Variants in CHD4 observed in about 807,000 individuals in gnomAD.
The protein encoded by CHD4 is ATP-dependent chromatin remodeler CHD4.
CHD4 carries 35 observed loss-of-function variants against 235.5 expected under a neutral mutation model. That is an observed-to-expected ratio of 0.15 (90% CI 0.11 to 0.20). The LOEUF is 0.20. Ranked by LOEUF, CHD4 falls within the 10% of genes least tolerant of loss-of-function variation. The pLI is 1.00. For missense variants in CHD4, 1,329 were observed against 2,432.3 expected (o/e 0.55, Z 9.54); for synonymous variants, 900 against 850.2 (o/e 1.06, Z -1.02).
intron 25 of CHD4, among the ~76,000 whole-genome samples, chr12:6,585,504 G>C (rs1432876321): frequency 1.3e-5 from 2 of 151,762 alleles, no homozygotes; most frequent in African/African-American, 2.4e-5. Flanking sequence ...GGATGGGCTC[G>C]ATCTCTTGAC....
In CHD4 at chr12:6,600,475, G is replaced by A. The variant is rs1250296839; in HGVS notation, c.1063+59C>T. 4 of 1,587,720 alleles carry A rather than the reference G, an allele frequency of 2.5e-6. No individual in the cohort carries two copies. In the African/African-American group the frequency reaches 5.4e-5, roughly 22 times the overall value. The stretch of plus-strand genomic sequence containing the variant: ...CCCCCGACCCCTATCTCCTTAGGGA[G>A]ATTCTTCCCCAATCACTCCCACCTC... On this transcript the variant is annotated intron_variant, in intron 8 of 39. Transcript: ENST00000544040.
intron 2 of CHD4, chr12:6,602,924 T>C (rs1187255603): frequency 1.2e-5 from 2 of 165,736 alleles, no homozygotes; most frequent in Non-Finnish European, 2.6e-5. Flanking sequence ...AACTATAGAA[T>C]ATACCTTCCC....
At chr12:6,592,601 A>G in intron 18 of CHD4, 35 bp from the exon 19 acceptor site, 1 of 1,582,110 alleles carries the variant, frequency 6.3e-7, no homozygotes, top group Non-Finnish European at 8.6e-7. Context: ...TTATTGGAGA[A>G]GGAGAAAGGA....
In CHD4 at chr12:6,591,995, T is replaced by C. The variant is rs1948408542; in HGVS notation, c.3011A>G (p.Asn1004Ser). ...CACCACATTCAGCAGAGACACCTGG[T>C]TGCCACCACCTCGGGCATTGAGTGC... is the stretch of plus-strand genomic sequence containing the variant. ...FEALNARGGG[N>S]QVSLLNVVMD... The change falls in exon 20 of 40, where the codon AAC becomes AGC. Residue 1004 changes from asparagine (N) to serine (S), a missense_variant. Around this residue, in one of 26 missense-constraint regions of CHD4, gnomAD observed 23 missense variants for 130.0 expected, o/e 0.18. Coordinates refer to ENST00000544040, the MANE Select transcript of CHD4 (RefSeq NM_001273.5). 6 of 1,614,120 alleles carry C rather than the reference T, an allele frequency of 3.7e-6. No individual in the cohort carries two copies. The highest frequency in any genetic ancestry group is 1.1e-5 in the South Asian group (1 of 91,092).
At position 6,591,575 on chromosome 12, in the gene CHD4, C is replaced by T. The variant is rs1948401521; in HGVS notation, c.3231G>A (p.Lys1077=). ...AGAAATCCTCTAGCAGGTCTAGCAT[C>T]TTGGTCATCTGCAAAAGAAGCACGG... is the stretch of plus-strand genomic sequence containing the variant. ...HRVLIFSQMT[K]MLDLLEDFLE... Residue 1077 remains lysine (K), a synonymous_variant, in exon 22 of 40, where the codon AAG becomes AAA. Coordinates refer to ENST00000544040, the MANE Select transcript of CHD4 (RefSeq NM_001273.5). 6.2e-7 allele frequency: 1 copy of T among 1,614,102 alleles called. No homozygotes were observed. The highest frequency in any genetic ancestry group is 8.5e-7 in the Non-Finnish European group (1 of 1,179,982).
intron 3 of CHD4, 42 bp from the exon 4 acceptor site, chr12:6,602,217 A>G (rs1028491498): frequency 4.4e-6 from 7 of 1,605,440 alleles, no homozygotes; most frequent in Non-Finnish European, 6.0e-6. Flanking sequence ...AGACACACAC[A>G]TGCTACACAC....
At chr12:6,573,923 T>C (rs1036274791) in intron 37 of CHD4, among the ~76,000 whole-genome samples, 6 of 151,862 alleles carry the variant, frequency 4.0e-5, no homozygotes, top group South Asian at 2.1e-4. Flanking sequence ...ACTCAAGAGG[T>C]TGAGGCAGAA....
At chr12:6,576,522 C>T (rs924749370) in intron 37 of CHD4, among the ~76,000 whole-genome samples, 1 of 152,140 alleles carries the variant, frequency 6.6e-6, no homozygotes, top group Non-Finnish European at 1.5e-5. Flanking sequence ...GCCATGTTGC[C>T]CGAGCTAGTC....
chr12:6,592,967 C>G, intron 17 of CHD4, 124 bp downstream of exon 17: 3 of 1,517,788 alleles, frequency 2.0e-6, no homozygotes, highest in Non-Finnish European at 1.8e-6. Flanking sequence ...CTGTCACATA[C>G]AAGGAAGGAA....
Position 6,592,125 on chromosome 12 carries a change from A to G in CHD4, c.2949-68T>C, listed in dbSNP as rs191866416. 114 of 1,576,862 alleles carry G rather than the reference A, an allele frequency of 7.2e-5. No homozygotes were observed. The African/African-American group carries it at 1.4e-3, about 20-fold the overall frequency. Reference sequence around the variant, plus strand: ...TTCAATGACTAATAATGCAGTGCCAACAACTGAGATCTTTCTTCCAACACA... The same window carrying G: ...TTCAATGACTAATAATGCAGTGCCAGCAACTGAGATCTTTCTTCCAACACA... On this transcript the variant is annotated intron_variant, in intron 19 of 39. Coordinates refer to ENST00000544040, the MANE Select transcript of CHD4 (RefSeq NM_001273.5).
At position 6,583,120 on chromosome 12, in the gene CHD4, GGA is replaced by G. The variant is rs1283922001; in HGVS notation, c.4061-9_4061-8del. ...GACTGGTCGTCCTGCCAATCTGGAG[GGA>G]GAGAGGGCAGATGAGCGGGGCCCAC... is the stretch of plus-strand genomic sequence containing the variant. On this transcript the variant is annotated splice_polypyrimidine_tract_variant and splice_region_variant and intron_variant, in intron 26 of 39. Transcript: ENST00000544040. 6.3e-7 allele frequency: 1 copy of G among 1,590,814 alleles called. No individual in the cohort carries two copies. The highest frequency in any genetic ancestry group is 2.3e-5 in the East Asian group (1 of 43,782).
intron 37 of CHD4, among the ~76,000 whole-genome samples, chr12:6,573,942 G>A (rs1006001512): frequency 2.0e-5 from 3 of 152,044 alleles, no homozygotes; most frequent in African/African-American, 7.2e-5. Flanking sequence ...AAGAATGCTT[G>A]AACCCGGGAG....
chr12:6,586,043 T>C (rs1948286826), intron 25 of CHD4, among the ~76,000 whole-genome samples: 1 of 151,310 alleles, frequency 6.6e-6, no homozygotes, highest in African/African-American at 2.4e-5. Context: ...GAGGTTGCAG[T>C]AGGCTGTGAT....
chr12:6,588,848 G>A (rs1948345166), intron 22 of CHD4, among the ~76,000 whole-genome samples: 1 of 152,128 alleles, frequency 6.6e-6, no homozygotes, highest in Non-Finnish European at 1.5e-5. Context: ...AGGAAGCTGA[G>A]GCAGGAGAAT....
chr12:6,590,402 G>A (rs775582859), intron 22 of CHD4, among the ~76,000 whole-genome samples: 1 of 152,130 alleles, frequency 6.6e-6, no homozygotes, highest in East Asian at 1.9e-4. Context: ...TCATTGTACT[G>A]CAGTTACGTA....
rs761265027 is a variant in CHD4, at chr12:6,606,418, G to A, written c.-45C>T. On this transcript the variant is annotated 5_prime_UTR_variant, in exon 2 of 40. Transcript: ENST00000544040. ...GGGAATTGGCCCAGCTGCTCCTGCC[G>A]GCGGCCTGAGGACCTCTACACTGGC... 2.2e-6 allele frequency: 3 copies of A among 1,382,712 alleles called. No homozygotes were observed. The highest frequency in any genetic ancestry group is 1.2e-5 in the South Asian group (1 of 81,518). 85.7% of individuals were successfully genotyped at this position (1,382,712 alleles called of 1,614,324 possible). A position where few individuals can be genotyped will look rare whatever the true frequency, so the allele number is the denominator to read the frequency against.
At chr12:6,570,802 C>G (rs1025395933) in intron 39 of CHD4, 67 bp downstream of exon 39, 82 of 1,611,662 alleles carry the variant, frequency 5.1e-5, no homozygotes, top group South Asian at 1.9e-4. Flanking sequence ...TAGGGACATA[C>G]AGCAAAGTTA....
At chr12:6,580,479 G>A (rs1948161139) in intron 33 of CHD4, 1 of 153,174 alleles carries the variant, frequency 6.5e-6, no homozygotes, top group Non-Finnish European at 1.5e-5. Flanking sequence ...GGCCAAGGCA[G>A]GTGGATCACC....
intron 12 of CHD4, among the ~76,000 whole-genome samples, chr12:6,597,423 G>A (rs144146704): frequency 6.2e-4 from 95 of 152,220 alleles, no homozygotes; most frequent in African/African-American, 2.1e-3. Context: ...CAGTGATCAC[G>A]ACACTGCACT....
Sources: gnomAD v4.1 joint callset for allele counts (sites outside exome capture counted in the v4.1 genomes callset) on GRCh38, gnomAD v4.1.1 for gene constraint, gnomAD v4.1.1 regional missense constraint, MANE v1.5 for transcripts, NCBI Gene and HGNC (gene_info 2026-07-23, HGNC 2026-07-21) for gene names.